The following SLC2A9 variants were observed in gnomAD, a reference collection of about 807,000 sequenced individuals.
SLC2A9 encodes the protein solute carrier family 2 member 9.
A neutral mutation model predicts 50.6 loss-of-function variants in SLC2A9; 39 were observed. The observed-to-expected ratio is 0.77, with a 90% CI of 0.60 to 1.01. The LOEUF (loss-of-function observed/expected upper bound fraction) is 1.01. Ranked by LOEUF, SLC2A9 falls within the 50% of genes least tolerant of loss-of-function variation. SLC2A9 has a pLI of 0.00. For synonymous variants in SLC2A9, 324 were observed against 276.9 expected (o/e 1.17, Z -1.69); for missense variants, 686 against 677.6 (o/e 1.01, Z -0.14).
chr4:9,998,210 C>G (rs1440196759), intron 2 of SLC2A9, among the ~76,000 whole-genome samples: 1 of 152,208 alleles, frequency 6.6e-6, no homozygotes, highest in Non-Finnish European at 1.5e-5. Flanking sequence ...AGAGTTCAGT[C>G]CCCAAGGTAC....
chr4:9,993,119 T>C (rs570414676), intron 3 of SLC2A9, among the ~76,000 whole-genome samples: 1 of 152,224 alleles, frequency 6.6e-6, no homozygotes, highest in Non-Finnish European at 1.5e-5. Flanking sequence ...TTACTCCTTG[T>C]AGGTGCTCAA....
intron 10 of SLC2A9, among the ~76,000 whole-genome samples, chr4:9,852,091 G>A (rs573957695): frequency 6.6e-6 from 1 of 152,284 alleles, no homozygotes; most frequent in South Asian, 2.1e-4. Flanking sequence ...TACATAGTCC[G>A]TCAGATTCTC....
chr4:10,025,717 G>A, upstream of SLC2A9: 1 of 603,992 alleles, frequency 1.7e-6, no homozygotes, highest in Non-Finnish European at 2.9e-6. Flanking sequence ...ACTCTTCTGA[G>A]CCTCATCCCA....
chr4:9,894,132 C>A (rs1019536752), intron 8 of SLC2A9, among the ~76,000 whole-genome samples: 21 of 152,250 alleles, frequency 1.4e-4, no homozygotes, highest in African/African-American at 4.8e-4. Flanking sequence ...GATGCATGGA[C>A]AACGATCTTT....
intron 1 of SLC2A9, among the ~76,000 whole-genome samples, chr4:10,020,315 G>A (rs1370184361): frequency 6.6e-6 from 1 of 152,168 alleles, no homozygotes; most frequent in Non-Finnish European, 1.5e-5. Flanking sequence ...CCCCTCAGCT[G>A]TAGGAGTCTG....
intron 10 of SLC2A9, among the ~76,000 whole-genome samples, chr4:9,847,751 A>T (rs1165015496): frequency 6.6e-6 from 1 of 152,230 alleles, no homozygotes; most frequent in African/African-American, 2.4e-5. Context: ...GTTAAAATTT[A>T]TTGAGCACTT....
downstream of SLC2A9, among the ~76,000 whole-genome samples, chr4:9,797,894 A>T (rs1334522905): frequency 6.6e-6 from 1 of 152,146 alleles, no homozygotes; most frequent in African/African-American, 2.4e-5. Context: ...TTAGGCAAAC[A>T]CTGCTCACAG....
At chr4:9,973,801 T>G (rs1267380720) in intron 5 of SLC2A9, among the ~76,000 whole-genome samples, 1 of 151,228 alleles carries the variant, frequency 6.6e-6, no homozygotes, top group Non-Finnish European at 1.5e-5. Flanking sequence ...ATATGGCACA[T>G]GTATACATAT....
intron 8 of SLC2A9, among the ~76,000 whole-genome samples, chr4:9,902,220 T>C (rs1739768641): frequency 6.6e-6 from 1 of 152,152 alleles, no homozygotes; most frequent in African/African-American, 2.4e-5. Flanking sequence ...TCCTTCACCT[T>C]CTAAAACACT....
intron 3 of SLC2A9, among the ~76,000 whole-genome samples, chr4:9,806,514 CCT>C (rs1346289371): frequency 6.6e-6 from 1 of 152,158 alleles, no homozygotes; most frequent in African/African-American, 2.4e-5. Context: ...CTGTGAAACC[CCT>C]GATTTCCCAC....
chr4:9,995,466 G>A (rs1758485078), intron 3 of SLC2A9, among the ~76,000 whole-genome samples: 1 of 152,168 alleles, frequency 6.6e-6, no homozygotes. Context: ...TTGTTGGGCT[G>A]TGAGGAAGAA....
In SLC2A9 at chr4:9,774,273, G is replaced by T. The variant is rs1026620512; in HGVS notation, n.182-2904C>A. On this transcript the variant is annotated intron_variant and non_coding_transcript_variant, in intron 1 of 1. Transcript: ENST00000508585. The stretch of plus-strand genomic sequence containing the variant: ...CCCCTAAAGTGCTGGGATTAAAGGC[G>T]TGAGCCACCACATCTGGCCAAAAAA... Among the ~76,000 whole-genome samples, 3 of 152,092 alleles carry T rather than the reference G, an allele frequency of 2.0e-5. No homozygotes were observed. In the South Asian group the frequency reaches 6.2e-4, roughly 32 times the overall value.
chr4:9,878,328 G>A (rs1331286604), intron 10 of SLC2A9, among the ~76,000 whole-genome samples: 6 of 152,104 alleles, frequency 3.9e-5, no homozygotes, highest in African/African-American at 1.4e-4. Context: ...CGCTGGCCAT[G>A]CTTGGAGGGT....
intron 7 of SLC2A9, among the ~76,000 whole-genome samples, chr4:9,912,226 C>T (rs1281530861): frequency 6.6e-6 from 1 of 151,920 alleles, no homozygotes; most frequent in Non-Finnish European, 1.5e-5. Context: ...ACCAACATGG[C>T]ACATGTATAC....
intron 10 of SLC2A9, among the ~76,000 whole-genome samples, chr4:9,844,979 C>T (rs1165283953): frequency 6.6e-6 from 1 of 152,180 alleles, no homozygotes. Flanking sequence ...TCCCTCCTCT[C>T]TATTTTCTAA....
chr4:10,037,708 GAAGGCC>G (rs560364603), intron 1 of SLC2A9, among the ~76,000 whole-genome samples: 310 of 152,292 alleles, frequency 2.0e-3, no homozygotes, highest in African/African-American at 7.1e-3. Context: ...CAGCACTATG[GAAGGCC>G]AAGGTGGGCA....
upstream of SLC2A9, chr4:10,025,855 G>T: frequency 6.3e-7 from 1 of 1,584,692 alleles, no homozygotes; most frequent in South Asian, 1.1e-5. Flanking sequence ...CTACCCCCTG[G>T]GTGACCGGAA....
At chr4:9,839,279 A>G (rs941928592) in intron 10 of SLC2A9, among the ~76,000 whole-genome samples, 8 of 152,234 alleles carry the variant, frequency 5.3e-5, no homozygotes, top group Non-Finnish European at 8.8e-5. Context: ...CAAAACCACA[A>G]TGAGATACCA....
intron 7 of SLC2A9, among the ~76,000 whole-genome samples, chr4:9,915,189 C>A (rs891447441): frequency 1.3e-5 from 2 of 152,224 alleles, no homozygotes; most frequent in Non-Finnish European, 2.9e-5. Flanking sequence ...GCTCCTTCAA[C>A]AAAATAATAG....
Sources: allele counts gnomAD v4.1 joint callset (sites outside exome capture counted in the v4.1 genomes callset), GRCh38; gene constraint gnomAD v4.1.1; transcripts MANE v1.5; gene names NCBI Gene and HGNC (gene_info 2026-07-23, HGNC 2026-07-21).